The following DCBLD1 variants were observed in gnomAD, a reference collection of about 807,000 sequenced individuals.
The protein encoded by DCBLD1 is discoidin, CUB and LCCL domain containing 1.
A neutral mutation model predicts 71.5 loss-of-function variants in DCBLD1; 57 were observed. The ratio of observed to expected loss-of-function variants is 0.80; its 90% CI spans 0.64 to 0.99. The LOEUF is 0.99. Ranked by LOEUF, DCBLD1 falls within the 50% of genes least tolerant of loss-of-function variation. The probability of loss-of-function intolerance (pLI) is 0.00; values close to 1 mark genes in which losing one functional copy is unlikely to be tolerated. For synonymous variants in DCBLD1, 380 were observed against 363.8 expected, an observed-to-expected ratio of 1.04 and a Z score of -0.51; for missense variants, 891 against 923.5, an observed-to-expected ratio of 0.96 and a Z score of 0.46.
intron 1 of DCBLD1, among the ~76,000 whole-genome samples, chr6:117,497,581 C>T (rs1777512698): frequency 6.6e-6 from 1 of 152,164 alleles, no homozygotes; most frequent in African/African-American, 2.4e-5. Context: ...TAATTTCAGG[C>T]ATTTGGAGAA....
chr6:117,569,435 A>G, intron 14 of DCBLD1: 1 of 1,187,830 alleles, frequency 8.4e-7, no homozygotes, highest in South Asian at 1.6e-5. Flanking sequence ...GTCAGCTATA[A>G]AAGCATTAAA....
intron 14 of DCBLD1, among the ~76,000 whole-genome samples, chr6:117,556,969 G>A (rs938763747): frequency 7.8e-5 from 11 of 141,062 alleles, no homozygotes; most frequent in African/African-American, 3.1e-4. Context: ...TCTGATTAGT[G>A]ATGTTGAACT....
At chr6:117,535,326 T>G (rs1778849330) in intron 6 of DCBLD1, among the ~76,000 whole-genome samples, 1 of 152,110 alleles carries the variant, frequency 6.6e-6, no homozygotes, top group African/African-American at 2.4e-5. Context: ...AGTGAAAACC[T>G]TCTTTCTGTT....
At chr6:117,537,721 G>T (rs1234837900) in intron 7 of DCBLD1, among the ~76,000 whole-genome samples, 3 of 123,158 alleles carry the variant, frequency 2.4e-5, no homozygotes, top group African/African-American at 9.5e-5. Context: ...TGTTGCCCAG[G>T]CTGATCTCAA....
chr6:117,516,028 TCTTA>T (rs1226231451), intron 2 of DCBLD1, among the ~76,000 whole-genome samples: 1 of 152,080 alleles, frequency 6.6e-6, no homozygotes, highest in Non-Finnish European at 1.5e-5. Context: ...CTTATATAGC[TCTTA>T]CTATGTGCTG....
At chr6:117,541,274 CATT>C (rs1320218014) in intron 11 of DCBLD1, among the ~76,000 whole-genome samples, 1 of 151,472 alleles carries the variant, frequency 6.6e-6, no homozygotes, top group Non-Finnish European at 1.5e-5. Flanking sequence ...AAAAATAAAA[CATT>C]AGCACATCCA....
intron 14 of DCBLD1, chr6:117,563,178 T>G: frequency 1.4e-6 from 2 of 1,391,186 alleles, no homozygotes; most frequent in Non-Finnish European, 2.0e-6. Flanking sequence ...GATTTTGTAG[T>G]CTTTGTCACC....
Position 117,482,785 on chromosome 6 carries a change from G to A in DCBLD1, c.4G>A (p.Val2Met). M[V>M]PGARGGGALA... ...CAAGCTGGCGCCCAGCGGGGTCATG[G>A]TGCCCGGCGCCCGCGGCGGCGGCGC... The change falls in exon 1 of 15, where the codon GTG becomes ATG. Residue 2 changes from valine (V) to methionine (M), a missense_variant. Physicochemically the swap from Val to Met is conservative, Grantham distance 21. Transcript: ENST00000338728. 3.5e-6 allele frequency: 4 copies of A among 1,141,684 alleles called. No homozygotes were observed. The highest frequency in any genetic ancestry group is 4.3e-6 in the Non-Finnish European group (4 of 930,634). The allele number at this position is 1,141,684 out of a possible 1,614,324, so 70.7% of individuals were successfully genotyped here.
downstream of DCBLD1, among the ~76,000 whole-genome samples, chr6:117,554,223 C>T (rs1353494016): frequency 1.3e-5 from 2 of 152,116 alleles, no homozygotes; most frequent in Admixed American, 6.6e-5. Context: ...ATCTCCTTTC[C>T]AATATTTATG....
downstream of DCBLD1, among the ~76,000 whole-genome samples, chr6:117,553,678 C>G (rs970303445): frequency 1.3e-5 from 2 of 152,186 alleles, no homozygotes; most frequent in African/African-American, 4.8e-5. Context: ...GTATCCCTTT[C>G]CATTTGTTCA....
At chr6:117,551,614 C>T (rs1249306210), downstream of DCBLD1, among the ~76,000 whole-genome samples, 1 of 152,100 alleles carries the variant, frequency 6.6e-6, no homozygotes, top group Non-Finnish European at 1.5e-5. Context: ...CTCCTGACCT[C>T]GTGATCCGCC....
At chr6:117,544,410 A>T (rs1402991883) in intron 12 of DCBLD1, 118 bp from the exon 13 acceptor site, 2 of 885,096 alleles carry the variant, frequency 2.3e-6, no homozygotes, top group Non-Finnish European at 3.2e-6. Flanking sequence ...CTGCCATCTC[A>T]TTTAATTCTC....
Position 117,519,863 on chromosome 6 carries a change from A to G in DCBLD1, c.373A>G (p.Thr125Ala). The G allele has an allele frequency of 6.2e-7, 1 of 1,614,108 alleles. No homozygotes were observed. The highest frequency in any genetic ancestry group is 8.5e-7 in the Non-Finnish European group (1 of 1,179,972). Reference protein sequence around the residue: ...MTVPKELLLNTSEVTVRFESG... With the variant: ...MTVPKELLLNASEVTVRFESG... ...TGTTCCCAAAGAACTCTTGTTGAAC[A>G]CAAGTGAAGTAACCGTCCGCTTTGA... Residue 125 changes from threonine (T) to alanine (A), a missense_variant, in exon 3 of 15, where the codon ACA (threonine) becomes GCA (alanine). Coordinates refer to ENST00000338728, the MANE Select transcript of DCBLD1 (RefSeq NM_001366458.2).
At chr6:117,533,131 G>T (rs1364611640) in intron 6 of DCBLD1, among the ~76,000 whole-genome samples, 2 of 152,152 alleles carry the variant, frequency 1.3e-5, no homozygotes, top group Non-Finnish European at 2.9e-5. Flanking sequence ...AGAGAAAAGT[G>T]CTCCTTGAGC....
intron 2 of DCBLD1, among the ~76,000 whole-genome samples, chr6:117,513,537 C>T (rs1315463298): frequency 1.3e-5 from 2 of 152,194 alleles, no homozygotes; most frequent in Non-Finnish European, 2.9e-5. Flanking sequence ...ACTTGATTAA[C>T]TGCTGCACTC....
intron 14 of DCBLD1, among the ~76,000 whole-genome samples, chr6:117,558,171 C>T (rs1398796723): frequency 6.6e-6 from 1 of 152,194 alleles, no homozygotes; most frequent in Non-Finnish European, 1.5e-5. Flanking sequence ...GAAGAGGTTT[C>T]GCTGAACATT....
chr6:117,513,161 A>G (rs887979195), intron 2 of DCBLD1, among the ~76,000 whole-genome samples: 1 of 152,204 alleles, frequency 6.6e-6, no homozygotes, highest in Non-Finnish European at 1.5e-5. Context: ...CCAGAGAATC[A>G]AGAGGATTTC....
intron 2 of DCBLD1, among the ~76,000 whole-genome samples, chr6:117,504,552 T>C (rs1260862540): frequency 2.6e-5 from 4 of 152,166 alleles, no homozygotes; most frequent in South Asian, 2.1e-4. Context: ...CATCAGTAAG[T>C]GGACATTTGA....
downstream of DCBLD1, among the ~76,000 whole-genome samples, chr6:117,550,144 A>C (rs1246571816): frequency 6.6e-6 from 1 of 152,212 alleles, no homozygotes; most frequent in East Asian, 1.9e-4. Context: ...TTAGACCATA[A>C]GCATAGGCCT....
Sources: allele counts gnomAD v4.1 joint callset (sites outside exome capture counted in the v4.1 genomes callset), GRCh38; gene constraint gnomAD v4.1.1; transcripts MANE v1.5; gene names NCBI Gene and HGNC (gene_info 2026-07-23, HGNC 2026-07-21).